Variants in RUFY4 observed in about 807,000 individuals in gnomAD.
The protein encoded by RUFY4 is RUN and FYVE domain-containing protein 4.
Under a neutral mutation model 69.0 loss-of-function variants are expected in RUFY4, and 73 were observed. The observed-to-expected ratio is 1.06, with a 90% CI of 0.88 to 1.29. The LOEUF (loss-of-function observed/expected upper bound fraction) is 1.29. Ranked by LOEUF, RUFY4 falls within the 50% of genes most tolerant of loss-of-function variation. The pLI, the probability that RUFY4 is intolerant of heterozygous loss-of-function variation, is 0.00. For missense variants in RUFY4, 770 were observed against 705.6 expected (o/e 1.09, Z -1.03); for synonymous variants, 287 against 271.8 (o/e 1.06, Z -0.55).
intron 8 of RUFY4, among the ~76,000 whole-genome samples, chr2:218,079,099 C>T (rs950206405): frequency 6.6e-6 from 1 of 152,186 alleles, no homozygotes; most frequent in Non-Finnish European, 1.5e-5. Flanking sequence ...AAACTCCTGA[C>T]CTCAGGTGAT....
At chr2:218,039,225 T>C (rs765837142) in intron 2 of RUFY4, among the ~76,000 whole-genome samples, 5 of 152,166 alleles carry the variant, frequency 3.3e-5, no homozygotes, top group Non-Finnish European at 7.3e-5. Flanking sequence ...TAGGCATCTG[T>C]GGCATGATAA....
intron 2 of RUFY4, among the ~76,000 whole-genome samples, chr2:218,049,650 G>A (rs1414346610): frequency 1.3e-5 from 2 of 152,074 alleles, no homozygotes; most frequent in Admixed American, 6.6e-5. Context: ...GGGATTACAG[G>A]CATGCGCCAC....
chr2:218,069,911 AG>A (rs1223989287), upstream of RUFY4, among the ~76,000 whole-genome samples: 1 of 152,102 alleles, frequency 6.6e-6, no homozygotes, highest in Non-Finnish European at 1.5e-5. Context: ...CCCCCTGGAG[AG>A]AAAGGCAGTA....
chr2:218,065,885 C>T (rs1161288138), upstream of RUFY4, among the ~76,000 whole-genome samples: 5 of 152,208 alleles, frequency 3.3e-5, no homozygotes, highest in Admixed American at 6.5e-5. Context: ...CTGGCCAGGC[C>T]GTGTCAGGGC....
chr2:218,075,512 T>C, exon 7 of RUFY4: 2 of 1,571,464 alleles, frequency 1.3e-6, no homozygotes, highest in Non-Finnish European at 1.7e-6. Context: ...CAGAGTGGAG[T>C]CACGTCCAGA....
intron 2 of RUFY4, among the ~76,000 whole-genome samples, chr2:218,041,207 C>G (rs1688689922): frequency 6.6e-6 from 1 of 152,096 alleles, no homozygotes; most frequent in African/African-American, 2.4e-5. Context: ...TTTCTTGGAG[C>G]TCCTCATTGT....
intron 3 of RUFY4, chr2:218,060,076 AC>A: frequency 3.4e-6 from 1 of 291,016 alleles, no homozygotes. Flanking sequence ...ACTTCTTAGA[AC>A]ATAGAGTGCC....
chr2:218,042,934 A>G (rs1032893587), intron 2 of RUFY4, among the ~76,000 whole-genome samples: 2 of 152,260 alleles, frequency 1.3e-5, no homozygotes, highest in Non-Finnish European at 2.9e-5. Context: ...TGTTTCTACA[A>G]AATAAATCTA....
upstream of RUFY4, chr2:218,069,447 G>A (rs1559430619): frequency 6.6e-6 from 1 of 152,082 alleles, no homozygotes. Context: ...GGGAGAGGAG[G>A]AGACACATGG....
At position 218,075,289 on chromosome 2, in the gene RUFY4, G is replaced by A. The variant is rs758101672; in HGVS notation, c.797G>A (p.Trp266Ter). The A allele has an allele frequency of 1.1e-5, 18 of 1,601,918 alleles. No individual in the cohort carries two copies. Among genetic ancestry groups the A allele is most frequent in the Non-Finnish European group, 1.5e-5 (18 of 1,174,148 alleles). Residue 266 changes from tryptophan to a stop codon, truncating the protein, a stop_gained, in exon 7 of 11, where the codon TGG becomes TAG. Coordinates refer to ENST00000344321, the Ensembl canonical transcript of RUFY4. LOFTEE classifies it high-confidence loss of function. ...AAACATAGGTACCCCCAGAGCATGTGGGAGCCAGAAGGGAAGGAGCTTCAG... is the reference window on the plus strand; with the variant it reads ...AAACATAGGTACCCCCAGAGCATGTAGGAGCCAGAAGGGAAGGAGCTTCAG...
At chr2:218,088,295 G>A (rs943315075) in intron 9 of RUFY4, among the ~76,000 whole-genome samples, 8 of 151,646 alleles carry the variant, frequency 5.3e-5, no homozygotes, top group African/African-American at 1.5e-4. Context: ...GCAACATGTC[G>A]AAACCCCATC....
chr2:218,087,806 G>T (rs1479702902), intron 9 of RUFY4, among the ~76,000 whole-genome samples: 4 of 152,114 alleles, frequency 2.6e-5, no homozygotes, highest in African/African-American at 9.7e-5. Flanking sequence ...TCCAGCCTGG[G>T]TGACAGAGGA....
intron 2 of RUFY4, among the ~76,000 whole-genome samples, chr2:218,057,449 C>T (rs1239527620): frequency 6.6e-6 from 1 of 152,222 alleles, no homozygotes; most frequent in Non-Finnish European, 1.5e-5. Context: ...CTACCTTCCT[C>T]CTTCATTCCA....
At chr2:218,074,730 G>T (rs1466856972) in intron 6 of RUFY4, among the ~76,000 whole-genome samples, 2 of 152,100 alleles carry the variant, frequency 1.3e-5, no homozygotes, top group Non-Finnish European at 2.9e-5. Context: ...CCATTTTGCA[G>T]ATGAAAAAAC....
At chr2:218,059,104 G>T (rs1029194958) in intron 3 of RUFY4, 1 of 152,276 alleles carries the variant, frequency 6.6e-6, no homozygotes, top group African/African-American at 2.4e-5. Flanking sequence ...CCACTTCTCT[G>T]TAGCAGTTTG....
chr2:218,041,400 C>T (rs1012009940), intron 2 of RUFY4, among the ~76,000 whole-genome samples: 15 of 152,102 alleles, frequency 9.9e-5, no homozygotes, highest in Admixed American at 2.0e-4. Context: ...AACAGTATTG[C>T]GTCTCCCAGT....
At chr2:218,066,618 C>T (rs777395868), upstream of RUFY4, among the ~76,000 whole-genome samples, 53 of 152,182 alleles carry the variant, frequency 3.5e-4, no homozygotes, top group Non-Finnish European at 3.8e-4. Context: ...AATGACGGTA[C>T]AGACAGTACA....
At chr2:218,082,685 G>A (rs899758153) in intron 8 of RUFY4, among the ~76,000 whole-genome samples, 1 of 151,534 alleles carries the variant, frequency 6.6e-6, no homozygotes, top group African/African-American at 2.4e-5. Context: ...TGTCTGTTGT[G>A]TGTGTTGTGC....
exon 1 of RUFY4, chr2:218,070,609 G>C (rs111810509): frequency 7.8e-6 from 12 of 1,537,444 alleles, no homozygotes; most frequent in Non-Finnish European, 1.0e-5. Flanking sequence ...AGTACCCATG[G>C]CAGAAGAGGG....
Sources: allele counts gnomAD v4.1 joint callset (sites outside exome capture counted in the v4.1 genomes callset), GRCh38; gene constraint gnomAD v4.1.1; transcripts MANE v1.5; gene names NCBI Gene and HGNC (gene_info 2026-07-23, HGNC 2026-07-21).